Variants in SPSB4 observed in about 807,000 individuals in gnomAD.
SPSB4 encodes the protein splA/ryanodine receptor domain and SOCS box containing 4, also known as SPRY domain-containing SOCS box protein 4.
Under a neutral mutation model 20.9 loss-of-function variants are expected in SPSB4, and 21 were observed. That is an observed-to-expected ratio of 1.01 (90% CI 0.71 to 1.45). SPSB4 has a LOEUF of 1.45. SPSB4 is among the 40% of genes most tolerant of loss of function. The pLI, the probability that SPSB4 is intolerant of heterozygous loss-of-function variation, is 0.00. For synonymous variants in SPSB4, 207 were observed against 183.8 expected (o/e 1.13, Z -1.02); for missense variants, 399 against 399.2 (o/e 1.00, Z 0.00).
intron 2 of SPSB4, among the ~76,000 whole-genome samples, chr3:141,141,271 G>A (rs1169331308): frequency 1.3e-5 from 2 of 152,196 alleles, no homozygotes; most frequent in African/African-American, 2.4e-5. Flanking sequence ...CTGACCCCTT[G>A]CACTTCCCAG....
chr3:141,077,222 T>C lies in SPSB4; in HGVS notation c.694+10424T>C, dbSNP rs77513477. 3.3e-5 allele frequency: 5 copies of C among 152,332 alleles called. No homozygotes were observed. In the East Asian group the frequency reaches 7.7e-4, roughly 23 times the overall value. 9.4% of individuals were successfully genotyped at this position (152,332 alleles called of 1,614,324 possible). ...TCCTTAATGAGTTATTTGCTTGGGA[T>C]GAAATTAAGCCGAGACAGCGTGAGC... is the stretch of plus-strand genomic sequence containing the variant. On this transcript the variant is annotated intron_variant, in intron 2 of 2. Coordinates refer to ENST00000310546, the MANE Select transcript of SPSB4 (RefSeq NM_080862.3).
intron 1 of SPSB4, among the ~76,000 whole-genome samples, chr3:141,057,677 G>A (rs1049417666): frequency 6.6e-6 from 1 of 152,126 alleles, no homozygotes; most frequent in East Asian, 1.9e-4. Context: ...CAAGTACAAG[G>A]GCTCTGAGAG....
intron 2 of SPSB4, among the ~76,000 whole-genome samples, chr3:141,083,358 C>T (rs1260829172): frequency 6.6e-6 from 1 of 152,168 alleles, no homozygotes; most frequent in Admixed American, 6.5e-5. Flanking sequence ...CTGCCACCCC[C>T]CCACCCTCTG....
chr3:141,064,084 A>AT (rs1937818084), intron 1 of SPSB4, among the ~76,000 whole-genome samples: 1 of 152,068 alleles, frequency 6.6e-6, no homozygotes, highest in African/African-American at 2.4e-5. Flanking sequence ...CCCTGTTCCC[A>AT]TTTTTTCTGA....
intron 2 of SPSB4, among the ~76,000 whole-genome samples, chr3:141,104,845 G>A (rs1050488708): frequency 6.6e-6 from 1 of 152,212 alleles, no homozygotes; most frequent in Non-Finnish European, 1.5e-5. Flanking sequence ...AATTTGCGCC[G>A]TTAGAGTTGA....
chr3:141,144,523 G>A (rs914019557), intron 2 of SPSB4, among the ~76,000 whole-genome samples: 34 of 152,224 alleles, frequency 2.2e-4, no homozygotes, highest in African/African-American at 6.3e-4. Context: ...CGCAGCCAAC[G>A]TTGGGCACTC....
rs551211733 is a variant in SPSB4, at chr3:141,133,097, T to C, written c.695-14045T>C. Among the ~76,000 whole-genome samples, 254 of 152,346 alleles carry C rather than the reference T, an allele frequency of 1.7e-3. 1 individual carries two copies. Among genetic ancestry groups the C allele is most frequent in the African/African-American group, 5.6e-3 (232 of 41,582 alleles). ...TTGTCATATGTTTGTCAGCCATTTG[T>C]ATATCTTCTTTTGAGAATTTTCTAT... On this transcript the variant is annotated intron_variant, in intron 2 of 2. Coordinates refer to ENST00000310546, the MANE Select transcript of SPSB4 (RefSeq NM_080862.3).
intron 2 of SPSB4, among the ~76,000 whole-genome samples, chr3:141,075,658 T>A (rs951618663): frequency 6.6e-6 from 1 of 151,948 alleles, no homozygotes; most frequent in Admixed American, 6.6e-5. Flanking sequence ...GATGAAGATG[T>A]AACACAGATC....
intron 2 of SPSB4, among the ~76,000 whole-genome samples, chr3:141,142,942 G>A (rs796338918): frequency 4.5e-4 from 66 of 148,028 alleles, no homozygotes; most frequent in African/African-American, 1.0e-3. Context: ...TCAGCCTCCC[G>A]AGTAGCTGGG....
rs1937876523 is a variant in SPSB4, at chr3:141,066,406, A to G, written c.302A>G (p.Gln101Arg). 1 of 1,534,802 alleles carries G rather than the reference A, an allele frequency of 6.5e-7. No homozygotes were observed. The highest frequency in any genetic ancestry group is 2.0e-5 in the Admixed American group (1 of 49,224). The change falls in exon 2 of 3, where the codon CAG becomes CGG. Residue 101 changes from glutamine to arginine, a missense_variant. Physicochemically the swap from Gln to Arg is conservative, Grantham distance 43. Transcript: ENST00000310546. ...VGHARGLHAW[Q>R]INWPARQRGT... is the part of the protein sequence containing the mutation. ...CACGCCCGCGGCCTGCACGCCTGGC[A>G]GATCAACTGGCCGGCTCGGCAGCGC...
chr3:141,112,321 T>C (rs1938811866), intron 2 of SPSB4, among the ~76,000 whole-genome samples: 1 of 152,206 alleles, frequency 6.6e-6, no homozygotes, highest in South Asian at 2.1e-4. Context: ...AGCAAGTTTG[T>C]GGTAGAGCCA....
chr3:141,120,144 A>C (rs576273334), intron 2 of SPSB4, among the ~76,000 whole-genome samples: 1 of 152,208 alleles, frequency 6.6e-6, no homozygotes, highest in Admixed American at 6.5e-5. Flanking sequence ...CAAAGAACTT[A>C]TTTATTTCTG....
intron 2 of SPSB4, among the ~76,000 whole-genome samples, chr3:141,105,334 T>C (rs1057497903): frequency 9.8e-5 from 15 of 152,312 alleles, no homozygotes; most frequent in African/African-American, 3.6e-4. Flanking sequence ...GGCCTCCCAC[T>C]GAGTTCCCAC....
chr3:141,122,873 G>C (rs1304563513), intron 2 of SPSB4, among the ~76,000 whole-genome samples: 3 of 152,196 alleles, frequency 2.0e-5, no homozygotes, highest in Admixed American at 6.5e-5. Flanking sequence ...CTAGAAAAGG[G>C]AAATCCTCCA....
intron 2 of SPSB4, among the ~76,000 whole-genome samples, chr3:141,100,552 A>G (rs1452679436): frequency 6.6e-6 from 1 of 152,208 alleles, no homozygotes; most frequent in African/African-American, 2.4e-5. Context: ...AGACACCTTG[A>G]TCTTGGGCTT....
chr3:141,143,564 T>C (rs1425137676), intron 2 of SPSB4, among the ~76,000 whole-genome samples: 1 of 152,214 alleles, frequency 6.6e-6, no homozygotes, highest in Non-Finnish European at 1.5e-5. Context: ...TGGTTATAGA[T>C]GTTTAGTGTG....
At chr3:141,143,056 T>TTC (rs1272676197) in intron 2 of SPSB4, among the ~76,000 whole-genome samples, 3 of 152,130 alleles carry the variant, frequency 2.0e-5, no homozygotes, top group African/African-American at 7.2e-5. Context: ...GACTTTGTGA[T>TTC]CTGCCCACCT....
At chr3:141,125,072 C>A (rs943470493) in intron 2 of SPSB4, among the ~76,000 whole-genome samples, 2 of 152,148 alleles carry the variant, frequency 1.3e-5, no homozygotes, top group Admixed American at 1.3e-4. Flanking sequence ...CATGTAGTGT[C>A]ATTTTTCATT....
At chr3:141,088,343 C>A (rs749355128) in intron 2 of SPSB4, among the ~76,000 whole-genome samples, 2 of 152,210 alleles carry the variant, frequency 1.3e-5, no homozygotes, top group Admixed American at 1.3e-4. Flanking sequence ...TTCTAGGTGG[C>A]AGGATAAGAC....
Sources: allele counts gnomAD v4.1 joint callset (sites outside exome capture counted in the v4.1 genomes callset), GRCh38; gene constraint gnomAD v4.1.1; transcripts MANE v1.5; gene names NCBI Gene and HGNC (gene_info 2026-07-23, HGNC 2026-07-21).